The following NAALADL2 variants were observed in gnomAD, a reference collection of about 807,000 sequenced individuals.
NAALADL2 encodes N-acetylated alpha-linked acidic dipeptidase like 2.
A neutral mutation model predicts 87.2 loss-of-function variants in NAALADL2; 76 were observed. The ratio of observed to expected loss-of-function variants is 0.87; its 90% CI spans 0.72 to 1.05. The LOEUF (loss-of-function observed/expected upper bound fraction) is 1.05. Ranked by LOEUF, NAALADL2 falls within the 50% of genes least tolerant of loss-of-function variation. The pLI, the probability that NAALADL2 is intolerant of heterozygous loss-of-function variation, is 0.00. For synonymous variants in NAALADL2, 354 were observed against 331.0 expected (o/e 1.07, Z -0.75); for missense variants, 1,089 against 945.8 (o/e 1.15, Z -1.99).
At chr3:174,574,199 A>G (rs1022957199) in intron 2 of NAALADL2, among the ~76,000 whole-genome samples, 2 of 152,144 alleles carry the variant, frequency 1.3e-5, no homozygotes, top group Non-Finnish European at 1.5e-5. Flanking sequence ...ACATATTCTA[A>G]ACACGCTTTT....
chr3:175,519,583 A>G (rs764170382), intron 9 of NAALADL2, among the ~76,000 whole-genome samples: 2 of 152,230 alleles, frequency 1.3e-5, no homozygotes, highest in East Asian at 1.9e-4. Flanking sequence ...GTTAATAAAT[A>G]GAAACATTAT....
At position 175,172,338 on chromosome 3, in the gene NAALADL2, C is replaced by A. The variant is rs1008173813; in HGVS notation, c.546-61593C>A. Among the ~76,000 whole-genome samples the A allele has an allele frequency of 2.6e-5, 4 of 152,226 alleles. No homozygotes were observed. In the East Asian group the frequency reaches 7.7e-4, roughly 29 times the overall value. On this transcript the variant is annotated intron_variant, in intron 2 of 13. Coordinates refer to ENST00000454872, the MANE Select transcript of NAALADL2 (RefSeq NM_207015.3). Reference sequence around the variant, plus strand: ...ATTTTGACCAGATCCAACAACTGCTCTTACTATTGAATTATCTTCACAGTC... The same window carrying A: ...ATTTTGACCAGATCCAACAACTGCTATTACTATTGAATTATCTTCACAGTC...
intron 4 of NAALADL2, among the ~76,000 whole-genome samples, chr3:175,262,575 A>AGT (rs71164625): frequency 0.054 from 7,892 of 146,904 alleles, 431 homozygotes; most frequent in African/African-American, 0.15. Flanking sequence ...ATGTTGTGTG[A>AGT]GTGTGTGTGT....
At chr3:175,692,483 T>C (rs1293679615) in intron 11 of NAALADL2, among the ~76,000 whole-genome samples, 1 of 152,152 alleles carries the variant, frequency 6.6e-6, no homozygotes, top group Non-Finnish European at 1.5e-5. Context: ...CTTACACTTA[T>C]TTTTAGCCAC....
chr3:175,302,941 G>A (rs1358841073), intron 4 of NAALADL2, among the ~76,000 whole-genome samples: 3 of 151,896 alleles, frequency 2.0e-5, no homozygotes, highest in Non-Finnish European at 2.9e-5. Flanking sequence ...TCAAGAGGAA[G>A]AGAAAAATTA....
At chr3:174,642,680 T>A (rs577124140) in intron 2 of NAALADL2, among the ~76,000 whole-genome samples, 1 of 147,858 alleles carries the variant, frequency 6.8e-6, no homozygotes. Context: ...CTTGGTTGCT[T>A]GTTTCAAGTA....
At chr3:175,398,128 G>A (rs1770052258) in intron 5 of NAALADL2, among the ~76,000 whole-genome samples, 1 of 152,040 alleles carries the variant, frequency 6.6e-6, no homozygotes. Flanking sequence ...AGGGAAGTGT[G>A]TAACCCATCA....
At chr3:175,611,195 G>A (rs1295696283) in intron 10 of NAALADL2, among the ~76,000 whole-genome samples, 2 of 152,050 alleles carry the variant, frequency 1.3e-5, no homozygotes, top group Admixed American at 6.6e-5. Context: ...CTTAATGATT[G>A]TATAGTTAGA....
chr3:174,904,884 A>G (rs972066216), intron 1 of NAALADL2, among the ~76,000 whole-genome samples: 3 of 151,548 alleles, frequency 2.0e-5, no homozygotes, highest in African/African-American at 7.3e-5. Flanking sequence ...TTTTTTCTGC[A>G]TTATGTGGGA....
At chr3:175,195,583 G>A (rs1170010200) in intron 2 of NAALADL2, among the ~76,000 whole-genome samples, 1 of 151,830 alleles carries the variant, frequency 6.6e-6, no homozygotes, top group African/African-American at 2.4e-5. Context: ...TATGTGATTT[G>A]TTAAAGAATA....
At chr3:174,586,262 T>G (rs1047313781) in intron 2 of NAALADL2, among the ~76,000 whole-genome samples, 3 of 152,244 alleles carry the variant, frequency 2.0e-5, no homozygotes, top group African/African-American at 7.2e-5. Context: ...CAGGTTGTAA[T>G]GCATTTTATT....
Position 175,576,167 on chromosome 3 carries a change from G to A in NAALADL2, c.1780G>A (p.Glu594Lys), listed in dbSNP as rs372328401. 9.3e-6 allele frequency: 15 copies of A among 1,613,310 alleles called. No individual in the cohort carries two copies. The highest frequency in any genetic ancestry group is 4.4e-5 in the South Asian group (4 of 91,026). Reference protein sequence around the residue: ...LGVPIVQFAYEDIKTLEGPSF... With the variant: ...LGVPIVQFAYKDIKTLEGPSF... ...AGTTCCCATCGTGCAGTTTGCTTACGAGGACATCAAAACATTAGAGGTGAT... is the reference window on the plus strand; with the variant it reads ...AGTTCCCATCGTGCAGTTTGCTTACAAGGACATCAAAACATTAGAGGTGAT... Residue 594 changes from glutamate to lysine, a missense_variant, in exon 10 of 14, where the codon GAG becomes AAG. Glu to Lys is a moderately conservative substitution (Grantham distance 56, BLOSUM62 1). Transcript: ENST00000454872.
chr3:175,467,949 G>A (rs946717408), intron 8 of NAALADL2, among the ~76,000 whole-genome samples: 4 of 152,024 alleles, frequency 2.6e-5, no homozygotes, highest in Admixed American at 2.6e-4. Context: ...TTAAAAAAGA[G>A]GTTCAATAGA....
chr3:174,819,058 C>CTTTTTTTTTTTTTTTTTTTTTTTTTTT lies in NAALADL2; in HGVS notation c.-9+81314_-9+81340dup, dbSNP rs3040106. Among the ~76,000 whole-genome samples, 31 of 47,542 alleles carry CTTTTTTTTTTTTTTTTTTTTTTTTTTT rather than the reference C, an allele frequency of 6.5e-4. 6 individuals are homozygous for CTTTTTTTTTTTTTTTTTTTTTTTTTTT. Among genetic ancestry groups the CTTTTTTTTTTTTTTTTTTTTTTTTTTT allele is most frequent in the Non-Finnish European group, 9.2e-4 (23 of 25,122 alleles). The allele number at this position is 47,542 out of a possible 152,430, so 31.2% of individuals were successfully genotyped here. On this transcript the variant is annotated intron_variant, in intron 3 of 3. Coordinates refer to the NAALADL2 transcript ENST00000434257. ...GAATTTCTTTATTATACCATTTATT[C>CTTTTTTTTTTTTTTTTTTTTTTTTTTT]TTTTTTTTTTTTTTTTTTTTTTTTT...
intron 2 of NAALADL2, among the ~76,000 whole-genome samples, chr3:175,229,333 G>A (rs1165532280): frequency 6.6e-6 from 1 of 151,886 alleles, no homozygotes; most frequent in Non-Finnish European, 1.5e-5. Context: ...ATTAAAAAGA[G>A]AGTTTAGCAG....
chr3:174,943,426 C>A (rs1738917306), intron 1 of NAALADL2, among the ~76,000 whole-genome samples: 1 of 152,130 alleles, frequency 6.6e-6, no homozygotes, highest in African/African-American at 2.4e-5. Context: ...AGTTGCAGAC[C>A]TGTTCCCTCT....
At chr3:174,798,673 A>G (rs1048245897) in intron 3 of NAALADL2, among the ~76,000 whole-genome samples, 1 of 151,624 alleles carries the variant, frequency 6.6e-6, no homozygotes, top group Admixed American at 6.6e-5. Flanking sequence ...TTATTTTTTG[A>G]TGCTATGTTA....
At chr3:175,028,999 A>T (rs1373496693) in intron 1 of NAALADL2, among the ~76,000 whole-genome samples, 2 of 150,016 alleles carry the variant, frequency 1.3e-5, no homozygotes, top group Non-Finnish European at 3.0e-5. Context: ...GATGAATATT[A>T]TGCAGTCTCT....
chr3:175,301,949 T>G (rs1038533575), intron 4 of NAALADL2, among the ~76,000 whole-genome samples: 1 of 152,162 alleles, frequency 6.6e-6, no homozygotes, highest in Non-Finnish European at 1.5e-5. Context: ...ACTCTGCTCT[T>G]GTAACTGGCC....
Sources: gnomAD v4.1 joint callset for allele counts (sites outside exome capture counted in the v4.1 genomes callset) on GRCh38, gnomAD v4.1.1 for gene constraint, MANE v1.5 for transcripts, NCBI Gene and HGNC (gene_info 2026-07-23, HGNC 2026-07-21) for gene names.